BCAS3: variants seen among roughly 807,000 people sequenced by gnomAD.
BCAS3 encodes the protein BCAS3 microtubule associated cell migration factor.
In BCAS3, 53 loss-of-function variants were observed where a neutral mutation model predicts 116.1. The ratio of observed to expected loss-of-function variants is 0.46; its 90% CI spans 0.37 to 0.57. The LOEUF (loss-of-function observed/expected upper bound fraction) is 0.57, where lower values mean the gene tolerates loss of function less well. BCAS3 is among the 20% of genes least tolerant of loss of function. The pLI is 0.00. For synonymous variants in BCAS3, 391 were observed against 408.2 expected (o/e 0.96, Z 0.51); for missense variants, 917 against 1,165.4 (o/e 0.79, Z 3.10).
intron 7 of BCAS3, among the ~76,000 whole-genome samples, chr17:60,858,843 T>C (rs1567727251): frequency 6.6e-6 from 1 of 151,704 alleles, no homozygotes; most frequent in East Asian, 2.0e-4. Flanking sequence ...TAATTAAATA[T>C]GTTGAACATC....
In BCAS3 at chr17:61,307,556, T is replaced by G. The variant is rs1206616748; in HGVS notation, c.2426-60771T>G. Among the ~76,000 whole-genome samples, 1 of 152,248 alleles carries G rather than the reference T, an allele frequency of 6.6e-6. No individual in the cohort carries two copies. The highest frequency in any genetic ancestry group is 1.5e-5 in the Non-Finnish European group (1 of 68,042). ...GTGTTTGGTGTCTACCTGTGTAAAA[T>G]AGGAATAATCCCAATCTTCTCAATG... On this transcript the variant is annotated intron_variant, in intron 22 of 23. Transcript: ENST00000407086. This position sits in a 1 kb window ranked among gnomAD's most constrained non-coding sequence, Gnocchi z 4.7.
Position 61,106,748 on chromosome 17 carries a change from CAT to C in BCAS3, c.2425+22186_2425+22187del, listed in dbSNP as rs2074680905. On this transcript the variant is annotated intron_variant, in intron 22 of 23. Coordinates refer to ENST00000407086, the MANE Select transcript of BCAS3 (RefSeq NM_017679.5). This position sits in a 1 kb window ranked among gnomAD's most constrained non-coding sequence, Gnocchi z 4.2. ...TCAAGTCATTAAATATTTTTGAAGA[CAT>C]AGATATTTTAATGGTGGCTGGATCA... Among the ~76,000 whole-genome samples, 2 of 152,132 alleles carry C rather than the reference CAT, an allele frequency of 1.3e-5. No individual in the cohort carries two copies. The highest frequency in any genetic ancestry group is 1.3e-4 in the Admixed American group (2 of 15,282).
At chr17:60,686,316 C>G (rs1436907924) in intron 3 of BCAS3, among the ~76,000 whole-genome samples, 1 of 152,140 alleles carries the variant, frequency 6.6e-6, no homozygotes, top group Non-Finnish European at 1.5e-5. Context: ...TGTTCTACCT[C>G]CTGCTCTATT....
chr17:61,314,732 G>T (rs1372847596), intron 22 of BCAS3, among the ~76,000 whole-genome samples: 1 of 152,166 alleles, frequency 6.6e-6, no homozygotes, highest in African/African-American at 2.4e-5. Flanking sequence ...CAAAACACAG[G>T]TCTTATCTCC....
chr17:60,959,717 T>A (rs773501897), intron 14 of BCAS3, among the ~76,000 whole-genome samples: 9 of 152,228 alleles, frequency 5.9e-5, no homozygotes, highest in Non-Finnish European at 1.2e-4. Flanking sequence ...CTGTGGTTAC[T>A]ACAACAAATT....
At chr17:61,060,249 C>G (rs1006263476) in intron 19 of BCAS3, among the ~76,000 whole-genome samples, 5 of 151,776 alleles carry the variant, frequency 3.3e-5, no homozygotes, top group Admixed American at 6.6e-5. Context: ...GCCTCAGCCT[C>G]CTGACTAGCT....
At chr17:61,038,676 T>TTTGTTTTTG (rs1209848147) in intron 18 of BCAS3, among the ~76,000 whole-genome samples, 13,993 of 135,486 alleles carry the variant, frequency 0.1, 2,173 homozygotes, top group African/African-American at 0.41. Context: ...TTGTTTTTTT[T>TTTGTTTTTG]TTTTTTTTTT....
chr17:60,921,690 A>T (rs938743572), intron 12 of BCAS3, among the ~76,000 whole-genome samples: 1 of 151,682 alleles, frequency 6.6e-6, no homozygotes, highest in Non-Finnish European at 1.5e-5. Flanking sequence ...ACTGCAGACT[A>T]CTAGAGTGGG....
intron 22 of BCAS3, among the ~76,000 whole-genome samples, chr17:61,127,451 C>G (rs2076102699): frequency 6.6e-6 from 1 of 151,968 alleles, no homozygotes; most frequent in Non-Finnish European, 1.5e-5. Context: ...CTGCTTACAA[C>G]TCATGAGCTA....
chr17:61,093,698 G>A (rs2073780841), intron 22 of BCAS3, among the ~76,000 whole-genome samples: 2 of 152,118 alleles, frequency 1.3e-5, no homozygotes, highest in Non-Finnish European at 2.9e-5. Flanking sequence ...ATTATGAATT[G>A]CACTGATGCC....
chr17:60,992,189 TAC>T (rs576760115), intron 15 of BCAS3, among the ~76,000 whole-genome samples: 8,151 of 130,490 alleles, frequency 0.062, 229 homozygotes, highest in Admixed American at 0.096. Flanking sequence ...TCCGATGACT[TAC>T]ACACACACAC....
At position 61,235,190 on chromosome 17, in the gene BCAS3, T is replaced by C. The variant is rs907597721; in HGVS notation, c.2426-133137T>C. Among the ~76,000 whole-genome samples the C allele has an allele frequency of 1.3e-5, 2 of 152,144 alleles. No homozygotes were observed. The highest frequency in any genetic ancestry group is 2.9e-5 in the Non-Finnish European group (2 of 68,034). ...GCGTGAACCACCACGCCTGGCTGTC[T>C]GCCCCCCGCCTGTCCTAAGCACTTT... On this transcript the variant is annotated intron_variant, in intron 22 of 23. Coordinates refer to ENST00000407086, the MANE Select transcript of BCAS3 (RefSeq NM_017679.5). This position sits in a 1 kb window ranked among gnomAD's most constrained non-coding sequence, Gnocchi z 5.0.
At chr17:60,966,351 A>G (rs1425822040) in intron 14 of BCAS3, among the ~76,000 whole-genome samples, 1 of 152,182 alleles carries the variant, frequency 6.6e-6, no homozygotes, top group Non-Finnish European at 1.5e-5. Context: ...AAGTAAGAAG[A>G]TACTACTGCC....
At chr17:61,011,657 G>C (rs1170234359) in intron 15 of BCAS3, among the ~76,000 whole-genome samples, 1 of 152,030 alleles carries the variant, frequency 6.6e-6, no homozygotes, top group African/African-American at 2.4e-5. Context: ...TTAATGACTA[G>C]TAAGACACTA....
chr17:60,774,481 C>T (rs2045074558), intron 6 of BCAS3, among the ~76,000 whole-genome samples: 2 of 152,200 alleles, frequency 1.3e-5, no homozygotes, highest in South Asian at 2.1e-4. Context: ...TGCTTCTTTG[C>T]ATGACTTAAA....
chr17:60,924,599 AT>A, intron 13 of BCAS3, 99 bp downstream of exon 13: 1 of 866,036 alleles, frequency 1.2e-6, no homozygotes, highest in East Asian at 2.5e-5. Context: ...ACTTTTCTTC[AT>A]GTATCAGTAT....
At chr17:60,743,127 A>G in intron 5 of BCAS3, among the ~76,000 whole-genome samples, 1 of 152,018 alleles carries the variant, frequency 6.6e-6, no homozygotes, top group Non-Finnish European at 1.5e-5. Flanking sequence ...AAAAAAAAAA[A>G]AAATTTGTAA....
At chr17:61,133,574 A>G (rs1182360237) in intron 22 of BCAS3, among the ~76,000 whole-genome samples, 3 of 152,176 alleles carry the variant, frequency 2.0e-5, no homozygotes. Flanking sequence ...TAGGGAAGAA[A>G]GACTTAGTAA....
intron 22 of BCAS3, among the ~76,000 whole-genome samples, chr17:61,207,112 C>T (rs951890305): frequency 6.6e-6 from 1 of 152,112 alleles, no homozygotes; most frequent in Non-Finnish European, 1.5e-5. Flanking sequence ...TTCACATGAA[C>T]TCTTGCAGTG....
Sources: gnomAD v4.1 joint callset for allele counts (sites outside exome capture counted in the v4.1 genomes callset) on GRCh38, gnomAD v4.1.1 for gene constraint, Gnocchi (gnomAD v3.1) non-coding constraint, MANE v1.5 for transcripts, NCBI Gene and HGNC (gene_info 2026-07-23, HGNC 2026-07-21) for gene names.